The following TPCN2 variants were observed in gnomAD, a reference collection of about 807,000 sequenced individuals.
The protein encoded by TPCN2 is two pore channel protein 2.
A neutral mutation model predicts 111.4 loss-of-function variants in TPCN2; 92 were observed. The ratio of observed to expected loss-of-function variants is 0.83; its 90% CI spans 0.70 to 0.98. The LOEUF (loss-of-function observed/expected upper bound fraction) is 0.98, where lower values mean the gene tolerates loss of function less well. Ranked by LOEUF, TPCN2 falls within the 50% of genes least tolerant of loss-of-function variation. The probability of loss-of-function intolerance (pLI) is 0.00; values close to 1 mark genes in which losing one functional copy is unlikely to be tolerated. For missense variants in TPCN2, 995 were observed against 980.1 expected, an observed-to-expected ratio of 1.02 and a Z score of -0.20; for synonymous variants, 405 against 414.5, an observed-to-expected ratio of 0.98 and a Z score of 0.28.
At chr11:69,085,149 A>T in intron 19 of TPCN2, 61 bp from the exon 20 acceptor site, 1 of 1,449,078 alleles carries the variant, frequency 6.9e-7, no homozygotes, top group Non-Finnish European at 9.7e-7. Flanking sequence ...CTGTCTGGGG[A>T]GGGTGGTGGT....
At chr11:69,085,150 G>C in intron 19 of TPCN2, 60 bp from the exon 20 acceptor site, 1 of 1,459,646 alleles carries the variant, frequency 6.9e-7, no homozygotes, top group Non-Finnish European at 9.6e-7. Context: ...TGTCTGGGGA[G>C]GGTGGTGGTG....
At chr11:69,072,278 C>T (rs1292822979) in intron 11 of TPCN2, among the ~76,000 whole-genome samples, 2 of 152,184 alleles carry the variant, frequency 1.3e-5, no homozygotes, top group Non-Finnish European at 2.9e-5. Context: ...GCCTTCTTGT[C>T]CCCCTTTGTG....
chr11:69,076,869 A>C (rs1392473907), intron 13 of TPCN2, among the ~76,000 whole-genome samples: 1 of 71,774 alleles, frequency 1.4e-5, no homozygotes. Flanking sequence ...CCCTCATGCC[A>C]TGTCCCTCCA....
rs746306487 is a variant in TPCN2, at chr11:69,055,221, G to A, written c.298G>A (p.Glu100Lys). 11 of 1,614,046 alleles carry A rather than the reference G, an allele frequency of 6.8e-6. No individual in the cohort carries two copies. Among genetic ancestry groups the A allele is most frequent in the East Asian group, 2.2e-5 (1 of 44,884 alleles). Residue 100 changes from glutamate (E) to lysine (K), a missense_variant, in exon 4 of 25, where the codon GAG becomes AAG. Transcript: ENST00000294309. Reference sequence around the variant, plus strand: ...CTTGATCCTGTTTTTGGCTTTTATCGAGACCCCATCCTCACTCACCAGCAC... The same window carrying A: ...CTTGATCCTGTTTTTGGCTTTTATCAAGACCCCATCCTCACTCACCAGCAC... The part of the protein sequence containing the change: ...IFLILFLAFI[E>K]TPSSLTSTAD...
In TPCN2 at chr11:69,079,149, G is replaced by GCAGCCTCC. The variant is rs1214402301; in HGVS notation, c.1539+129_1539+130insCAGCCTCC. On this transcript the variant is annotated intron_variant, in intron 16 of 24. Transcript: ENST00000294309. ...GTAGGAAGGTGGGCTTCTGCTCTCAGTGGTGAGGGCTGGCTTCCCTGCTGG... is the reference window on the plus strand; with the variant it reads ...GTAGGAAGGTGGGCTTCTGCTCTCAGCAGCCTCCTGGTGAGGGCTGGCTTCCCTGCTGG... 7.2e-6 allele frequency: 9 copies of GCAGCCTCC among 1,255,638 alleles called. No homozygotes were observed. In the East Asian group the frequency reaches 2.2e-4, roughly 30 times the overall value. 77.8% of individuals were successfully genotyped at this position (1,255,638 alleles called of 1,614,324 possible).
At chr11:69,067,105 A>G (rs1590723859) in intron 7 of TPCN2, among the ~76,000 whole-genome samples, 1 of 151,862 alleles carries the variant, frequency 6.6e-6, no homozygotes, top group Non-Finnish European at 1.5e-5. Context: ...AACCTATCTC[A>G]CCCTGGCAGC....
At chr11:69,082,554 C>A (rs1367391734) in intron 18 of TPCN2, among the ~76,000 whole-genome samples, 1 of 152,202 alleles carries the variant, frequency 6.6e-6, no homozygotes, top group Non-Finnish European at 1.5e-5. Flanking sequence ...AACTCGTGCC[C>A]GGGTAAGACG....
At chr11:69,070,970 GCCAACAGGTTCACCCCAGGGATCCCCCA>G (rs1855503844) in intron 9 of TPCN2, among the ~76,000 whole-genome samples, 5 of 34,986 alleles carry the variant, frequency 1.4e-4, no homozygotes, top group Admixed American at 4.2e-4. Flanking sequence ...GGGATCCCCC[GCCAACAGGTTCACCCCAGGGATCCCCCA>G]CCAACAGCTT....
intron 22 of TPCN2, 100 bp from the exon 23 acceptor site, chr11:69,086,423 G>A: frequency 1.0e-6 from 1 of 966,914 alleles, no homozygotes; most frequent in Non-Finnish European, 1.7e-6. Context: ...GTGTGGGCCG[G>A]CTGCCCGAGA....
intron 1 of TPCN2, among the ~76,000 whole-genome samples, chr11:69,050,804 G>A (rs1861190994): frequency 1.3e-5 from 2 of 152,252 alleles, no homozygotes; most frequent in Non-Finnish European, 2.9e-5. Flanking sequence ...TGGTGTGGGG[G>A]CCAGTGGCCG....
At chr11:69,059,285 C>T (rs750007200) in intron 5 of TPCN2, among the ~76,000 whole-genome samples, 5 of 152,158 alleles carry the variant, frequency 3.3e-5, no homozygotes, top group African/African-American at 7.2e-5. Flanking sequence ...CCAGCCTGCC[C>T]GCTCACCCTG....
chr11:69,075,702 G>T (rs1855722213), intron 13 of TPCN2, among the ~76,000 whole-genome samples: 2 of 152,194 alleles, frequency 1.3e-5, no homozygotes, highest in African/African-American at 4.8e-5. Flanking sequence ...CTCCCGTGTG[G>T]GGTCACTGCC....
chr11:69,070,962 G>A (rs2134585106), intron 9 of TPCN2, among the ~76,000 whole-genome samples: 1 of 138,200 alleles, frequency 7.2e-6, no homozygotes, highest in Admixed American at 7.3e-5. Context: ...TCACCCCAGG[G>A]ATCCCCCGCC....
rs769021296 is a variant in TPCN2 at position 69,079,819 on chromosome 11, C to T, written c.1540-15C>T. The T allele has an allele frequency of 1.1e-5, 18 of 1,613,048 alleles. No homozygotes were observed. The East Asian group carries it at 4.0e-4, about 36-fold the overall frequency. ...TGTTGCTGTAGCGAAGCCTTCTTTT[C>T]TTTTGTAATTAAAGGTTTTGGAGAT... On this transcript the variant is annotated splice_polypyrimidine_tract_variant and intron_variant, in intron 16 of 24. Coordinates refer to ENST00000294309, the MANE Select transcript of TPCN2 (RefSeq NM_139075.4).
rs766249415 is a variant in TPCN2 at position 69,085,771 on chromosome 11, C to T, written c.1920+19C>T. 1.9e-6 allele frequency: 3 copies of T among 1,613,428 alleles called. No individual in the cohort carries two copies. Among genetic ancestry groups the T allele is most frequent in the Admixed American group, 1.7e-5 (1 of 60,004 alleles). ...CTTTGCGGTGAGCCCTGCGCCCTGT[C>T]CCAGCACCCTGCTCCCCGGGCTCCT... On this transcript the variant is annotated intron_variant, in intron 21 of 24. Coordinates refer to ENST00000294309, the MANE Select transcript of TPCN2 (RefSeq NM_139075.4).
intron 18 of TPCN2, among the ~76,000 whole-genome samples, chr11:69,083,553 G>A (rs1565095362): frequency 6.6e-6 from 1 of 152,190 alleles, no homozygotes; most frequent in Non-Finnish European, 1.5e-5. Context: ...CCACAGAGTA[G>A]CTGACCCACC....
intron 22 of TPCN2, among the ~76,000 whole-genome samples, 193 bp from the exon 23 acceptor site, chr11:69,086,330 C>T (rs1256947599): frequency 1.3e-5 from 2 of 152,212 alleles, no homozygotes; most frequent in Non-Finnish European, 2.9e-5. Context: ...GGCTTAGCTA[C>T]CTCGGCAGCT....
rs112544872 is a variant in TPCN2, at chr11:69,057,791, A to G, written c.546+97A>G. The G allele has an allele frequency of 1.3e-4, 146 of 1,115,250 alleles. No homozygotes were observed. In the African/African-American group the frequency reaches 1.8e-3, roughly 14 times the overall value. 69.1% of individuals were successfully genotyped at this position (1,115,250 alleles called of 1,614,324 possible). On this transcript the variant is annotated intron_variant, in intron 5 of 24. Coordinates refer to ENST00000294309, the MANE Select transcript of TPCN2 (RefSeq NM_139075.4). ...GCTGGGATGGAGCCCTGAGCCCGCC[A>G]GCCATCCTGCCCACCCGCCCAGCAC...
At chr11:69,053,177 G>C (rs1172835471) in intron 1 of TPCN2, among the ~76,000 whole-genome samples, 1 of 152,224 alleles carries the variant, frequency 6.6e-6, no homozygotes, top group East Asian at 1.9e-4. Context: ...GCCCCTCCTA[G>C]TCAGGAGCCA....
Sources: gnomAD v4.1 joint callset for allele counts (sites outside exome capture counted in the v4.1 genomes callset) on GRCh38, gnomAD v4.1.1 for gene constraint, MANE v1.5 for transcripts, NCBI Gene and HGNC (gene_info 2026-07-23, HGNC 2026-07-21) for gene names.